Variants in PTPRR observed in about 807,000 individuals in gnomAD.
PTPRR encodes the protein protein tyrosine phosphatase receptor type R.
In PTPRR, 38 loss-of-function variants were observed where a neutral mutation model predicts 77.2. The ratio of observed to expected loss-of-function variants is 0.49; its 90% confidence interval spans 0.38 to 0.65. PTPRR has a LOEUF of 0.65. Among genes scored for constraint, PTPRR ranks in the 30% least tolerant of loss-of-function variants. PTPRR has a pLI of 0.00. For synonymous variants in PTPRR, 299 were observed against 283.1 expected, an observed-to-expected ratio of 1.06 and a Z score of -0.57; for missense variants, 744 against 799.2, an observed-to-expected ratio of 0.93 and a Z score of 0.83.
At chr12:70,814,074 T>C (rs1201201531) in intron 2 of PTPRR, among the ~76,000 whole-genome samples, 1 of 152,156 alleles carries the variant, frequency 6.6e-6, no homozygotes, top group Non-Finnish European at 1.5e-5. Flanking sequence ...TAACCGTAGA[T>C]CAGTGTCCAT....
chr12:70,728,490 ATATG>A (rs3970921), intron 6 of PTPRR, among the ~76,000 whole-genome samples: 84,373 of 111,824 alleles, frequency 0.75, 29,220 homozygotes, highest in East Asian at 0.92. Flanking sequence ...ATATATATAT[ATATG>A]TATGTATGTA....
intron 2 of PTPRR, among the ~76,000 whole-genome samples, chr12:70,878,154 A>G (rs1349971005): frequency 6.6e-6 from 1 of 152,214 alleles, no homozygotes; most frequent in Non-Finnish European, 1.5e-5. Flanking sequence ...ACCCTAGACG[A>G]AAACCTAGGC....
intron 2 of PTPRR, among the ~76,000 whole-genome samples, chr12:70,803,022 T>C (rs1592765741): frequency 1.3e-5 from 2 of 152,164 alleles, no homozygotes; most frequent in South Asian, 2.1e-4. Context: ...CCACATAGAA[T>C]AGAAGCCAAT....
At chr12:70,704,867 CTTTTA>C (rs1345380050) in intron 6 of PTPRR, among the ~76,000 whole-genome samples, 1 of 152,078 alleles carries the variant, frequency 6.6e-6, no homozygotes, top group Admixed American at 6.6e-5. Context: ...GAAAGCTTTA[CTTTTA>C]TTTTGTCTTG....
At chr12:70,903,706 C>A (rs1893577628) in intron 1 of PTPRR, among the ~76,000 whole-genome samples, 1 of 151,690 alleles carries the variant, frequency 6.6e-6, no homozygotes, top group Admixed American at 6.6e-5. Context: ...ATCAAAATCA[C>A]AATCCACAGA....
At position 70,820,875 on chromosome 12, in the gene PTPRR, A is replaced by G. The variant is rs1592776146; in HGVS notation, c.358-56097T>C. On this transcript the variant is annotated intron_variant, in intron 2 of 13. Coordinates refer to ENST00000283228, the MANE Select transcript of PTPRR (RefSeq NM_002849.4). ...TCCTATCTCCTCTTAGTAATTTACTATTCACTGACCCTTCACTCTCCTTGC... is the reference window on the plus strand; with the variant it reads ...TCCTATCTCCTCTTAGTAATTTACTGTTCACTGACCCTTCACTCTCCTTGC... 3.3e-5 allele frequency among the ~76,000 whole-genome samples: 5 copies of G among 152,310 alleles called. No homozygotes were observed. The East Asian group carries it at 5.8e-4, about 18-fold the overall frequency.
intron 2 of PTPRR, among the ~76,000 whole-genome samples, chr12:70,829,585 A>G (rs1892175673): frequency 6.6e-6 from 1 of 152,220 alleles, no homozygotes; most frequent in South Asian, 2.1e-4. Context: ...ATTATTTGCC[A>G]TAAGAAAATG....
At chr12:70,737,464 C>T (rs534546583) in intron 6 of PTPRR, among the ~76,000 whole-genome samples, 50 of 149,864 alleles carry the variant, frequency 3.3e-4, no homozygotes, top group Admixed American at 1.9e-3. Context: ...GATCCATTTT[C>T]GATTATGGGT....
intron 6 of PTPRR, among the ~76,000 whole-genome samples, chr12:70,734,217 A>G (rs1592716655): frequency 6.8e-6 from 1 of 147,286 alleles, no homozygotes; most frequent in Admixed American, 6.8e-5. Flanking sequence ...ATAAAAAAAA[A>G]TCTCATTTTA....
chr12:70,899,642 C>A (rs1416122638), intron 1 of PTPRR, among the ~76,000 whole-genome samples: 1 of 151,358 alleles, frequency 6.6e-6, no homozygotes, highest in African/African-American at 2.4e-5. Context: ...CTGAATCTTC[C>A]CCTTCTAAGA....
chr12:70,769,758 T>C (rs554202326), intron 2 of PTPRR, among the ~76,000 whole-genome samples: 125 of 151,962 alleles, frequency 8.2e-4, no homozygotes, highest in African/African-American at 2.9e-3. Flanking sequence ...CACTTCAAAC[T>C]ATACTACAAG....
At chr12:70,682,334 C>T (rs964744083) in intron 10 of PTPRR, among the ~76,000 whole-genome samples, 6 of 152,234 alleles carry the variant, frequency 3.9e-5, no homozygotes, top group South Asian at 4.1e-4. Flanking sequence ...TGAGCCACCG[C>T]GCCCGGCCGT....
chr12:70,894,365 C>A (rs1284840331), intron 1 of PTPRR, among the ~76,000 whole-genome samples: 1 of 151,652 alleles, frequency 6.6e-6, no homozygotes, highest in Non-Finnish European at 1.5e-5. Flanking sequence ...AGGTGAGAGA[C>A]CCACGTTCAT....
At chr12:70,731,851 T>C (rs138408534) in intron 6 of PTPRR, among the ~76,000 whole-genome samples, 149 of 152,356 alleles carry the variant, frequency 9.8e-4, no homozygotes, top group African/African-American at 3.3e-3. Context: ...CAGGAGATCC[T>C]ACTGTGTGCA....
At chr12:70,782,582 C>T (rs1033627363) in intron 2 of PTPRR, among the ~76,000 whole-genome samples, 4 of 151,902 alleles carry the variant, frequency 2.6e-5, no homozygotes, top group Admixed American at 6.6e-5. Context: ...AGCAAACTAT[C>T]ACAAGGACAA....
chr12:70,791,670 G>C (rs12298334), intron 2 of PTPRR, among the ~76,000 whole-genome samples: 3,359 of 152,164 alleles, frequency 0.022, 80 homozygotes, highest in African/African-American at 0.057. Context: ...AATAAAGCAG[G>C]TCTATAATAT....
At chr12:70,893,189 A>C (rs909595355) in intron 1 of PTPRR, among the ~76,000 whole-genome samples, 1 of 151,950 alleles carries the variant, frequency 6.6e-6, no homozygotes, top group Non-Finnish European at 1.5e-5. Flanking sequence ...TAGGTGGATA[A>C]AAGTGGGCGT....
intron 2 of PTPRR, among the ~76,000 whole-genome samples, chr12:70,833,180 G>A (rs1565712658): frequency 6.6e-6 from 1 of 152,114 alleles, no homozygotes; most frequent in Non-Finnish European, 1.5e-5. Flanking sequence ...GGGACTTTGA[G>A]GGGAGATGGA....
chr12:70,723,289 T>C (rs1889323885), intron 6 of PTPRR, among the ~76,000 whole-genome samples: 1 of 151,948 alleles, frequency 6.6e-6, no homozygotes, highest in South Asian at 2.1e-4. Flanking sequence ...ATCACCAAAA[T>C]TTCAGCTTGC....
Sources: allele counts gnomAD v4.1 joint callset (sites outside exome capture counted in the v4.1 genomes callset), GRCh38; gene constraint gnomAD v4.1.1; transcripts MANE v1.5; gene names NCBI Gene and HGNC (gene_info 2026-07-23, HGNC 2026-07-21).